COBLL1: variants seen among roughly 807,000 people sequenced by gnomAD.
COBLL1 encodes cordon-bleu WH2 repeat protein like 1, also known as cordon-bleu protein-like 1.
COBLL1 carries 50 observed loss-of-function variants against 94.8 expected under a neutral mutation model. The observed-to-expected ratio is 0.53, with a 90% confidence interval of 0.42 to 0.67. The LOEUF (loss-of-function observed/expected upper bound fraction) is 0.67, where lower values mean the gene tolerates loss of function less well. COBLL1 is among the 30% of genes least tolerant of loss of function. The probability of loss-of-function intolerance (pLI) is 0.00; values close to 1 mark genes in which losing one functional copy is unlikely to be tolerated. For synonymous variants in COBLL1, 448 were observed against 473.8 expected, an observed-to-expected ratio of 0.95 and a Z score of 0.71; for missense variants, 1,362 against 1,348.7, an observed-to-expected ratio of 1.01 and a Z score of -0.15.
intron 2 of COBLL1, among the ~76,000 whole-genome samples, chr2:164,772,738 A>G (rs1039869564): frequency 1.3e-5 from 2 of 152,110 alleles, no homozygotes; most frequent in Admixed American, 6.6e-5. Context: ...ATCTTACATA[A>G]AAAGACTAAT....
intron 7 of COBLL1, among the ~76,000 whole-genome samples, chr2:164,710,481 C>T (rs1177154972): frequency 1.3e-5 from 2 of 151,892 alleles, no homozygotes; most frequent in Non-Finnish European, 2.9e-5. Flanking sequence ...TTAAGTAATA[C>T]ACATCATGAA....
At chr2:164,819,735 T>G (rs934115725) in intron 2 of COBLL1, among the ~76,000 whole-genome samples, 2 of 152,120 alleles carry the variant, frequency 1.3e-5, no homozygotes, top group Non-Finnish European at 2.9e-5. Flanking sequence ...AGCTGGGAGA[T>G]TTTTAAAATG....
At chr2:164,738,118 G>A (rs1042940542) in intron 3 of COBLL1, 2 of 152,136 alleles carry the variant, frequency 1.3e-5, no homozygotes, top group Non-Finnish European at 2.9e-5. Context: ...CCTATTTGTG[G>A]TAAGGGCGTA....
At chr2:164,661,362 C>A (rs1368144801) in intron 2 of COBLL1, among the ~76,000 whole-genome samples, 1 of 151,954 alleles carries the variant, frequency 6.6e-6, no homozygotes, top group Non-Finnish European at 1.5e-5. Context: ...TTGGCTCATA[C>A]AAAGAAGAAA....
chr2:164,694,374 T>C lies in COBLL1; in HGVS notation c.3018A>G (p.Ser1006=). The C allele has an allele frequency of 6.2e-7, 1 of 1,614,030 alleles. No individual in the cohort carries two copies. The highest frequency in any genetic ancestry group is 8.5e-7 in the Non-Finnish European group (1 of 1,179,938). The change falls in exon 12 of 14, where the codon TCA becomes TCG. Residue 1006 remains serine, a synonymous_variant. Transcript: ENST00000652658. ...GTTGGACCAATGCACTGGCACTAGG[T>C]GACTCGGTGCGCTCTTTACTGAAAG... is the stretch of plus-strand genomic sequence containing the variant. ...SQSFSKERTE[S]PSASALVQPP...
chr2:164,792,366 C>G (rs1260246853), intron 2 of COBLL1, among the ~76,000 whole-genome samples: 2 of 152,000 alleles, frequency 1.3e-5, no homozygotes, highest in Non-Finnish European at 2.9e-5. Context: ...TGGGCTCAAG[C>G]CATCCACCTG....
intron 2 of COBLL1, among the ~76,000 whole-genome samples, chr2:164,782,990 T>C (rs527326149): frequency 6.6e-6 from 1 of 152,310 alleles, no homozygotes; most frequent in South Asian, 2.1e-4. Context: ...TTTTTTTTCA[T>C]ATATTACATA....
chr2:164,728,014 T>C lies in COBLL1; in HGVS notation c.616A>G (p.Asn206Asp), dbSNP rs555186230. The change falls in exon 5 of 14, where the codon AAT (asparagine) becomes GAT (aspartate). Residue 206 changes from asparagine (N) to aspartate (D), a missense_variant. By Grantham distance (23) the Asn-to-Asp change is conservative. Transcript: ENST00000652658. Reference protein sequence around the residue: ...QEPLDLTKSLNDLGLRELYAM... With the variant: ...QEPLDLTKSLDDLGLRELYAM... ...TATAATTCTCTTAGTCCCAGGTCAT[T>C]AAGAGATTTTGTCAAGTCAAGAGGC... 1 of 1,613,554 alleles carries C rather than the reference T, an allele frequency of 6.2e-7. No individual in the cohort carries two copies. The highest frequency in any genetic ancestry group is 1.7e-5 in the Admixed American group (1 of 59,992).
At chr2:164,665,338 AAAAG>A (rs1392590549) in intron 2 of COBLL1, among the ~76,000 whole-genome samples, 32 of 148,062 alleles carry the variant, frequency 2.2e-4, no homozygotes, top group African/African-American at 7.5e-4. Context: ...GTCAAAAAAA[AAAAG>A]AAAGAAAGAA....
intron 2 of COBLL1, among the ~76,000 whole-genome samples, chr2:164,824,076 C>T (rs1339520246): frequency 1.3e-5 from 2 of 152,012 alleles, no homozygotes; most frequent in South Asian, 2.1e-4. Context: ...AGTTAAAAGC[C>T]TAAATCCTTA....
chr2:164,678,085 A>G (rs1691367908), downstream of COBLL1, among the ~76,000 whole-genome samples: 1 of 152,158 alleles, frequency 6.6e-6, no homozygotes, highest in Non-Finnish European at 1.5e-5. Flanking sequence ...TTCCAGTCAT[A>G]TATTATGGAA....
rs765495430 is a variant in COBLL1 at position 164,728,079 on chromosome 2, G to A, written c.551C>T (p.Pro184Leu). 8.4e-5 allele frequency: 135 copies of A among 1,613,492 alleles called. 4 individuals carry two copies. The South Asian group carries it at 8.8e-4, about 10-fold the overall frequency. ...PIICSKCEFD[P>L]LHTLLLKDYQ... ...ATCTTTCAACAATAGTGTATGCAAC[G>A]GATCAAACTCACATTTGCTACATAT... The change falls in exon 5 of 14, where the codon CCG becomes CTG. Residue 184 changes from proline (P) to leucine (L), a missense_variant. Pro to Leu is a moderately conservative substitution (Grantham distance 98). Transcript: ENST00000652658.
At chr2:164,812,166 TC>T (rs1684493438) in intron 2 of COBLL1, among the ~76,000 whole-genome samples, 1 of 151,944 alleles carries the variant, frequency 6.6e-6, no homozygotes, top group South Asian at 2.1e-4. Context: ...AAGAACAAAA[TC>T]ATTTCAATTT....
intron 3 of COBLL1, among the ~76,000 whole-genome samples, chr2:164,733,356 AT>A (rs1356800662): frequency 9.9e-4 from 151 of 152,296 alleles, no homozygotes; most frequent in African/African-American, 3.6e-3. Context: ...ACTATATCAG[AT>A]ATCATGAGAA....
chr2:164,792,074 A>T (rs920010505), intron 2 of COBLL1, among the ~76,000 whole-genome samples: 1 of 151,908 alleles, frequency 6.6e-6, no homozygotes, highest in Non-Finnish European at 1.5e-5. Flanking sequence ...TTCCCGAAGC[A>T]ATCCCCATTG....
chr2:164,730,254 C>T (rs1052242340), intron 3 of COBLL1, 139 bp from the exon 4 acceptor site: 1 of 752,016 alleles, frequency 1.3e-6, no homozygotes, highest in Non-Finnish European at 2.2e-6. Context: ...AAGCTACAGG[C>T]CAAGGCAGGA....
At chr2:164,778,142 A>T (rs1292276156) in intron 2 of COBLL1, among the ~76,000 whole-genome samples, 1 of 152,204 alleles carries the variant, frequency 6.6e-6, no homozygotes, top group Non-Finnish European at 1.5e-5. Flanking sequence ...AAAATCAGAC[A>T]GACTGATCAG....
At chr2:164,801,944 C>T (rs1482392132) in intron 2 of COBLL1, among the ~76,000 whole-genome samples, 7 of 152,154 alleles carry the variant, frequency 4.6e-5, no homozygotes, top group Admixed American at 4.6e-4. Context: ...ATCCCATGTC[C>T]TATTGCTTAA....
intron 7 of COBLL1, among the ~76,000 whole-genome samples, chr2:164,717,628 A>C (rs996870634): frequency 6.6e-6 from 1 of 152,202 alleles, no homozygotes. Flanking sequence ...ATCACAGCTC[A>C]TTGCAGCTTT....
Sources: allele counts gnomAD v4.1 joint callset (sites outside exome capture counted in the v4.1 genomes callset), GRCh38; gene constraint gnomAD v4.1.1; transcripts MANE v1.5; gene names NCBI Gene and HGNC (gene_info 2026-07-23, HGNC 2026-07-21).